DNAJC7: variants seen among roughly 807,000 people sequenced by gnomAD.
The protein encoded by DNAJC7 is dnaJ homolog subfamily C member 7.
DNAJC7 carries 18 observed loss-of-function variants against 67.4 expected under a neutral mutation model. The ratio of observed to expected loss-of-function variants is 0.27; its 90% CI spans 0.18 to 0.40. DNAJC7 has a LOEUF of 0.40. DNAJC7 is among the 10% of genes least tolerant of loss of function. DNAJC7 has a pLI of 1.00. For missense variants in DNAJC7, 419 were observed against 613.8 expected, an observed-to-expected ratio of 0.68 and a Z score of 3.35; for synonymous variants, 220 against 207.8, an observed-to-expected ratio of 1.06 and a Z score of -0.50.
intron 1 of DNAJC7, among the ~76,000 whole-genome samples, chr17:42,012,151 A>G (rs1290058004): frequency 6.6e-6 from 1 of 152,346 alleles, no homozygotes; most frequent in East Asian, 1.9e-4. Flanking sequence ...GTCCAGTCAC[A>G]CTAGGTATAT....
At chr17:42,004,761 C>G (rs75437641) in intron 1 of DNAJC7, among the ~76,000 whole-genome samples, 3,305 of 152,284 alleles carry the variant, frequency 0.022, 128 homozygotes, top group African/African-American at 0.075. Flanking sequence ...ATGTCTCACG[C>G]CTGTAATCCC....
intron 1 of DNAJC7, among the ~76,000 whole-genome samples, chr17:42,004,621 T>C (rs2051897296): frequency 6.6e-6 from 1 of 152,226 alleles, no homozygotes; most frequent in African/African-American, 2.4e-5. Context: ...TCTGGATGCA[T>C]GGAGGATCTC....
rs1031620692 is a variant in DNAJC7, at chr17:41,979,450, T to A, written c.1385-2127A>T. Among the ~76,000 whole-genome samples, 4 of 151,494 alleles carry A rather than the reference T, an allele frequency of 2.6e-5. No individual in the cohort carries two copies. The East Asian group carries it at 7.8e-4, about 29-fold the overall frequency. On this transcript the variant is annotated intron_variant, in intron 12 of 13. Transcript: ENST00000457167. Reference sequence around the variant, plus strand: ...ACTTTGGGAGGCCAAGGCCAGTAGATCACTTGCGGTCAGGAGTTCAAGACC... The same window carrying A: ...ACTTTGGGAGGCCAAGGCCAGTAGAACACTTGCGGTCAGGAGTTCAAGACC...
intron 9 of DNAJC7, among the ~76,000 whole-genome samples, chr17:41,986,511 T>C (rs1469191919): frequency 1.3e-5 from 2 of 150,854 alleles, no homozygotes; most frequent in Admixed American, 1.3e-4. Context: ...ACTGGACATG[T>C]AGGTGATTCT....
chr17:41,993,113 A>G (rs1473570858), intron 5 of DNAJC7, among the ~76,000 whole-genome samples: 1 of 152,242 alleles, frequency 6.6e-6, no homozygotes, highest in African/African-American at 2.4e-5. Flanking sequence ...ATACATTACC[A>G]AATAAAAGAC....
At chr17:41,979,935 T>C (rs1555645704) in intron 12 of DNAJC7, among the ~76,000 whole-genome samples, 1 of 151,710 alleles carries the variant, frequency 6.6e-6, no homozygotes, top group East Asian at 2.0e-4. Context: ...CACTCCAGCC[T>C]GGGTGACACA....
chr17:41,979,691 G>A (rs1178548341), intron 12 of DNAJC7, among the ~76,000 whole-genome samples: 5 of 135,088 alleles, frequency 3.7e-5, no homozygotes, highest in African/African-American at 1.4e-4. Context: ...GGCCGGGCGC[G>A]GTGGCTCACG....
chr17:41,999,138 A>G (rs1160771350), intron 2 of DNAJC7, among the ~76,000 whole-genome samples: 1 of 151,610 alleles, frequency 6.6e-6, no homozygotes, highest in Non-Finnish European at 1.5e-5. Context: ...GCTGGAGTGC[A>G]GCGACGTGAT....
At chr17:42,006,005 G>A (rs1404240990) in intron 1 of DNAJC7, among the ~76,000 whole-genome samples, 3 of 151,910 alleles carry the variant, frequency 2.0e-5, no homozygotes, top group Admixed American at 1.3e-4. Flanking sequence ...GTGCAGTGGC[G>A]TGATCTCAGC....
At chr17:41,986,689 A>G (rs571340376) in intron 9 of DNAJC7, among the ~76,000 whole-genome samples, 1 of 152,264 alleles carries the variant, frequency 6.6e-6, no homozygotes, top group East Asian at 1.9e-4. Context: ...GTTTGCAAAG[A>G]TGGAATGACT....
intron 12 of DNAJC7, among the ~76,000 whole-genome samples, chr17:41,977,970 C>A (rs537699573): frequency 2.0e-5 from 3 of 152,006 alleles, no homozygotes; most frequent in African/African-American, 7.3e-5. Flanking sequence ...AACAACAAAC[C>A]AACAAAAACA....
chr17:41,989,659 T>C (rs1555647443), intron 6 of DNAJC7, 102 bp from the exon 7 acceptor site: 5 of 1,439,534 alleles, frequency 3.5e-6, no homozygotes, highest in African/African-American at 1.4e-5. Flanking sequence ...TGTCTAGCAT[T>C]CAAAATATCC....
intron 1 of DNAJC7, among the ~76,000 whole-genome samples, chr17:42,004,703 T>G (rs2051899339): frequency 1.3e-5 from 2 of 152,202 alleles, no homozygotes; most frequent in Non-Finnish European, 1.5e-5. Context: ...TCCTTTGCTA[T>G]TTTAAAATGT....
chr17:41,982,537 T>TA, intron 10 of DNAJC7, 136 bp from the exon 11 acceptor site: 1 of 1,178,690 alleles, frequency 8.5e-7, no homozygotes, highest in South Asian at 1.6e-5. Flanking sequence ...TTCTGGAGAT[T>TA]AGAAAAAAAA....
chr17:42,015,348 G>A (rs1470722494), intron 1 of DNAJC7: 1 of 152,080 alleles, frequency 6.6e-6, no homozygotes, highest in Non-Finnish European at 1.5e-5. Context: ...CAAATACCAT[G>A]TTTTGTGTGA....
intron 8 of DNAJC7, 101 bp downstream of exon 8, chr17:41,988,631 C>T: frequency 7.4e-7 from 1 of 1,349,622 alleles, no homozygotes; most frequent in East Asian, 2.6e-5. Context: ...ACAACTTTCC[C>T]TCTTTCATCT....
chr17:42,000,690 CT>C, intron 1 of DNAJC7, 120 bp from the exon 2 acceptor site: 1 of 677,680 alleles, frequency 1.5e-6, no homozygotes, highest in Non-Finnish European at 2.4e-6. Flanking sequence ...TAGTGTGATA[CT>C]TGAAGGATTT....
At position 42,010,592 on chromosome 17, in the gene DNAJC7, C is replaced by T. The variant is rs146853240; in HGVS notation, c.77+6748G>A. Among the ~76,000 whole-genome samples the T allele has an allele frequency of 1.2e-3, 180 of 152,084 alleles. No homozygotes were observed. In the Middle Eastern group the frequency reaches 0.017, roughly 14 times the overall value. On this transcript the variant is annotated intron_variant, in intron 1 of 13. Transcript: ENST00000457167. ...AGTGGGGAGGAGCCTGGATTGTCAA[C>T]GGTATTTCACTTCTCAAAGTTGTCT...
intron 12 of DNAJC7, among the ~76,000 whole-genome samples, chr17:41,978,336 G>C (rs1418201176): frequency 1.3e-5 from 2 of 152,104 alleles, no homozygotes; most frequent in African/African-American, 2.4e-5. Context: ...TCCTGGCTTA[G>C]TGAATGACCC....
Sources: allele counts gnomAD v4.1 joint callset (sites outside exome capture counted in the v4.1 genomes callset), GRCh38; gene constraint gnomAD v4.1.1; transcripts MANE v1.5; gene names NCBI Gene and HGNC (gene_info 2026-07-23, HGNC 2026-07-21).